Variants in ADGRL3 observed in about 807,000 individuals in gnomAD.
The protein encoded by ADGRL3 is adhesion G protein-coupled receptor L3, also known as calcium-independent alpha-latrotoxin receptor 3.
A neutral mutation model predicts 153.5 loss-of-function variants in ADGRL3; 62 were observed. That is an observed-to-expected ratio of 0.40 (90% CI 0.33 to 0.50). ADGRL3 has a LOEUF of 0.50. Ranked by LOEUF, ADGRL3 falls within the 20% of genes least tolerant of loss-of-function variation. The pLI is 0.47. For missense variants in ADGRL3, 1,641 were observed against 1,859.4 expected (o/e 0.88, Z 2.16); for synonymous variants, 710 against 672.5 (o/e 1.06, Z -0.86).
chr4:61,845,973 G>A (rs1191054895), intron 9 of ADGRL3, among the ~76,000 whole-genome samples: 2 of 152,064 alleles, frequency 1.3e-5, no homozygotes, highest in African/African-American at 2.4e-5. Flanking sequence ...TCTGTTATCA[G>A]CAATTCCTTC....
At chr4:61,629,426 A>G (rs1049566532) in intron 5 of ADGRL3, among the ~76,000 whole-genome samples, 4 of 151,928 alleles carry the variant, frequency 2.6e-5, no homozygotes, top group Non-Finnish European at 4.4e-5. Context: ...ATTTTAAAAA[A>G]AAGTCCAAGT....
intron 1 of ADGRL3, among the ~76,000 whole-genome samples, chr4:61,290,288 T>C (rs1055071217): frequency 6.6e-6 from 1 of 152,130 alleles, no homozygotes; most frequent in Non-Finnish European, 1.5e-5. Flanking sequence ...CCTATTGGAC[T>C]TGGCATTCAT....
intron 1 of ADGRL3, among the ~76,000 whole-genome samples, chr4:61,224,020 A>T (rs1239217741): frequency 1.3e-5 from 2 of 152,100 alleles, no homozygotes; most frequent in African/African-American, 4.8e-5. Context: ...TTTTTGAAAT[A>T]ATTTTTAAAA....
At chr4:61,502,250 C>T (rs2098394278) in intron 3 of ADGRL3, among the ~76,000 whole-genome samples, 1 of 151,998 alleles carries the variant, frequency 6.6e-6, no homozygotes, top group Admixed American at 6.6e-5. Flanking sequence ...GGTAACTACA[C>T]CTAAGCCCCA....
chr4:61,882,473 C>G (rs993360332), intron 9 of ADGRL3, among the ~76,000 whole-genome samples: 1 of 152,180 alleles, frequency 6.6e-6, no homozygotes, highest in Non-Finnish European at 1.5e-5. Flanking sequence ...CTCTTCAACA[C>G]AACAACTCAA....
At chr4:61,644,855 T>C (rs1017124635) in intron 5 of ADGRL3, among the ~76,000 whole-genome samples, 1 of 152,078 alleles carries the variant, frequency 6.6e-6, no homozygotes, top group Non-Finnish European at 1.5e-5. Context: ...ACTTTCTGTC[T>C]CGTTGATCTG....
At chr4:62,049,641 C>T (rs750429536) in intron 25 of ADGRL3, among the ~76,000 whole-genome samples, 2 of 152,042 alleles carry the variant, frequency 1.3e-5, no homozygotes, top group African/African-American at 4.8e-5. Context: ...AATTTTGGCT[C>T]GTAGCTAGTG....
intron 9 of ADGRL3, among the ~76,000 whole-genome samples, chr4:61,829,360 A>C (rs994031667): frequency 6.6e-6 from 1 of 152,136 alleles, no homozygotes; most frequent in African/African-American, 2.4e-5. Flanking sequence ...TTTTAAGCAC[A>C]TGGACTTAAT....
intron 4 of ADGRL3, among the ~76,000 whole-genome samples, chr4:61,582,648 A>T (rs940664939): frequency 1.3e-5 from 2 of 152,036 alleles, no homozygotes; most frequent in African/African-American, 2.4e-5. Flanking sequence ...GCATGAAAAA[A>T]AAAAACAGAT....
chr4:61,814,402 A>G (rs1009355342), intron 9 of ADGRL3, among the ~76,000 whole-genome samples: 2 of 152,082 alleles, frequency 1.3e-5, no homozygotes, highest in African/African-American at 4.8e-5. Flanking sequence ...TCAGTTAAAG[A>G]TTTTTGTAAA....
intron 2 of ADGRL3, among the ~76,000 whole-genome samples, chr4:61,396,158 G>A (rs1002626910): frequency 7.2e-5 from 11 of 151,836 alleles, no homozygotes; most frequent in East Asian, 3.9e-4. Flanking sequence ...CAGATTTCCC[G>A]TACATACATG....
intron 1 of ADGRL3, among the ~76,000 whole-genome samples, chr4:61,273,490 T>C (rs754314881): frequency 6.6e-6 from 1 of 152,202 alleles, no homozygotes; most frequent in Non-Finnish European, 1.5e-5. Flanking sequence ...CTGAAAAATA[T>C]GCTTGCATGG....
At chr4:62,031,365 T>C in intron 22 of ADGRL3, 77 bp from the exon 23 acceptor site, 2 of 1,202,000 alleles carry the variant, frequency 1.7e-6, no homozygotes, top group East Asian at 2.4e-5. Context: ...TTTTTCAGTG[T>C]CGTATTGTTG....
chr4:61,462,278 A>C (rs1034661486), intron 2 of ADGRL3, among the ~76,000 whole-genome samples: 2 of 152,198 alleles, frequency 1.3e-5, no homozygotes, highest in Admixed American at 1.3e-4. Context: ...CATGAAATCT[A>C]CATTAAGATC....
rs531353568 is a variant in ADGRL3 at position 61,917,477 on chromosome 4, T to C, written c.2112+4720T>C. 1.1e-4 allele frequency among the ~76,000 whole-genome samples: 16 copies of C among 152,320 alleles called. No homozygotes were observed. The East Asian group carries it at 3.1e-3, about 29-fold the overall frequency. The stretch of plus-strand genomic sequence containing the variant: ...GGAGACTCTGATGAAAAAGTTACCA[T>C]CTTAAGAGAATAAAAAACCAGCAGA... On this transcript the variant is annotated intron_variant, in intron 13 of 26. Coordinates refer to ENST00000683033, the MANE Select transcript of ADGRL3 (RefSeq NM_001387552.1).
chr4:61,793,275 T>A (rs1005865659), intron 8 of ADGRL3, among the ~76,000 whole-genome samples: 1 of 151,996 alleles, frequency 6.6e-6, no homozygotes, highest in African/African-American at 2.4e-5. Context: ...ATACAAAAAA[T>A]TAGCCAGTTG....
chr4:61,813,370 G>A (rs750574108), intron 8 of ADGRL3, among the ~76,000 whole-genome samples: 15 of 151,806 alleles, frequency 9.9e-5, no homozygotes, highest in Admixed American at 2.0e-4. Context: ...CTGCAGCCTG[G>A]GCAATGAGCA....
chr4:62,070,740 CTACAAA>C lies in ADGRL3; in HGVS notation c.4465_4470del (p.Tyr1489_Lys1490del). On this transcript the variant is annotated inframe_deletion, in exon 27 of 27. Coordinates refer to ENST00000683033, the MANE Select transcript of ADGRL3 (RefSeq NM_001387552.1). ...AATGTGGTGATGCCGAAGATGTTTA[CTACAAA>C]AGCATGCCAAACCTAGGCTCCAGAA... 1 of 1,551,658 alleles carries C rather than the reference CTACAAA, an allele frequency of 6.4e-7. No individual in the cohort carries two copies. The highest frequency in any genetic ancestry group is 8.7e-7 in the Non-Finnish European group (1 of 1,146,982).
chr4:61,232,739 T>TGTC (rs1751268322), intron 1 of ADGRL3, among the ~76,000 whole-genome samples: 1 of 152,112 alleles, frequency 6.6e-6, no homozygotes, highest in Non-Finnish European at 1.5e-5. Context: ...ATGTAAACCA[T>TGTC]TTAGAACAGT....
Sources: gnomAD v4.1 joint callset for allele counts (sites outside exome capture counted in the v4.1 genomes callset) on GRCh38, gnomAD v4.1.1 for gene constraint, MANE v1.5 for transcripts, NCBI Gene and HGNC (gene_info 2026-07-23, HGNC 2026-07-21) for gene names.